PPP2R1A: variants seen among roughly 807,000 people sequenced by gnomAD.
PPP2R1A encodes serine/threonine-protein phosphatase 2A 65 kDa regulatory subunit A alpha isoform.
Under a neutral mutation model 67.1 loss-of-function variants are expected in PPP2R1A, and 15 were observed. The observed-to-expected ratio is 0.22, with a 90% CI of 0.15 to 0.34. PPP2R1A has a LOEUF of 0.34. Ranked by LOEUF, PPP2R1A falls within the 10% of genes least tolerant of loss-of-function variation. PPP2R1A has a pLI of 1.00. For synonymous variants in PPP2R1A, 337 were observed against 325.0 expected (o/e 1.04, Z -0.40); for missense variants, 369 against 775.0 (o/e 0.48, Z 6.22).
intron 11 of PPP2R1A, 117 bp downstream of exon 11, chr19:52,220,366 TGCTCGTATGGACCA>T (rs1978843138): frequency 9.1e-7 from 1 of 1,100,034 alleles, no homozygotes; most frequent in African/African-American, 1.5e-5. Flanking sequence ...CGCCGCTGGA[TGCTCGTATGGACCA>T]GCTCGCATGC....
rs2089696770 is a variant in PPP2R1A at position 52,213,481 on chromosome 19, T to G, written c.807+371T>G. ...TGTTTTTTTTTTTTTTTTTTTTTTT[T>G]TTTTTTAAGATGGAGTCTGTCGCCC... On this transcript the variant is annotated intron_variant, in intron 6 of 14. Coordinates refer to ENST00000322088, the MANE Select transcript of PPP2R1A (RefSeq NM_014225.6). This position sits in a 1 kb window ranked among gnomAD's most constrained non-coding sequence, Gnocchi z 4.2. Among the ~76,000 whole-genome samples, 1 of 99,874 alleles carries G rather than the reference T, an allele frequency of 1.0e-5. No homozygotes were observed. The highest frequency in any genetic ancestry group is 2.0e-5 in the Non-Finnish European group (1 of 50,092). The allele number at this position is 99,874 out of a possible 152,430, so 65.5% of individuals were successfully genotyped here.
chr19:52,217,051 A>G (rs567658762), intron 9 of PPP2R1A, among the ~76,000 whole-genome samples: 1 of 152,278 alleles, frequency 6.6e-6, no homozygotes, highest in South Asian at 2.1e-4. Flanking sequence ...TTAGCCAGGC[A>G]TGGTGGCGAG....
intron 3 of PPP2R1A, among the ~76,000 whole-genome samples, chr19:52,208,569 A>G (rs527650306): frequency 6.6e-6 from 1 of 150,986 alleles, no homozygotes; most frequent in African/African-American, 2.4e-5. Context: ...TTGTAATCTC[A>G]GCTCACTGCA....
chr19:52,216,790 A>G lies in PPP2R1A; in HGVS notation c.1128+127A>G. The stretch of plus-strand genomic sequence containing the variant: ...TCAACAGACATCCAGATCTTTGCTG[A>G]GTTGCATGTTTGTGGGCATAGCTGT... On this transcript the variant is annotated intron_variant, in intron 9 of 14. Coordinates refer to ENST00000322088, the MANE Select transcript of PPP2R1A (RefSeq NM_014225.6). This position sits in a 1 kb window ranked among gnomAD's most constrained non-coding sequence, Gnocchi z 4.3. 1 of 1,430,092 alleles carries G rather than the reference A, an allele frequency of 7.0e-7. No individual in the cohort carries two copies. Among genetic ancestry groups the G allele is most frequent in the Non-Finnish European group, 9.5e-7 (1 of 1,047,988 alleles). 88.6% of individuals were successfully genotyped at this position (1,430,092 alleles called of 1,614,324 possible).
At position 52,216,676 on chromosome 19, in the gene PPP2R1A, G is replaced by C; in HGVS notation, c.1128+13G>C. The C allele has an allele frequency of 6.2e-7, 1 of 1,614,134 alleles. No homozygotes were observed. Among genetic ancestry groups the C allele is most frequent in the Non-Finnish European group, 8.5e-7 (1 of 1,180,034 alleles). On this transcript the variant is annotated intron_variant, in intron 9 of 14. Transcript: ENST00000322088. The surrounding 1 kb of genome is among the most constrained non-coding windows in gnomAD (Gnocchi z 4.3). ...GCTGAAGGATGAGGTAAGGGCACCAGGATCTCAGCTCTGGGTTTGTGGAGG... is the reference window on the plus strand; with the variant it reads ...GCTGAAGGATGAGGTAAGGGCACCACGATCTCAGCTCTGGGTTTGTGGAGG...
In PPP2R1A at chr19:52,226,232, C is replaced by T. The variant is rs1265953258; in HGVS notation, c.*251C>T. ...TGGGAGGAAGGGGCTACTCCGCCCA[C>T]GTCAGGGAGAGATGTGAGCATCCCG... On this transcript the variant is annotated 3_prime_UTR_variant, in exon 15 of 15. Transcript: ENST00000322088. 25 of 569,974 alleles carry T rather than the reference C, an allele frequency of 4.4e-5. No individual in the cohort carries two copies. Among genetic ancestry groups the T allele is most frequent in the Middle Eastern group, 4.6e-4 (1 of 2,178 alleles). The allele number at this position is 569,974 out of a possible 1,614,324, so 35.3% of individuals were successfully genotyped here.
At chr19:52,220,132 C>A in intron 10 of PPP2R1A, 57 bp from the exon 11 acceptor site, 1 of 1,563,726 alleles carries the variant, frequency 6.4e-7, no homozygotes, top group Non-Finnish European at 8.8e-7. Context: ...TGGCTAGCAG[C>A]TCCCCCTGTT....
intron 9 of PPP2R1A, among the ~76,000 whole-genome samples, chr19:52,218,252 C>T (rs1978701650): frequency 1.3e-5 from 2 of 152,064 alleles, no homozygotes; most frequent in Admixed American, 6.5e-5. Flanking sequence ...TATACACAGG[C>T]GCCCACACAG....
At chr19:52,210,606 C>G (rs1231812090) in intron 3 of PPP2R1A, among the ~76,000 whole-genome samples, 2 of 151,704 alleles carry the variant, frequency 1.3e-5, no homozygotes, top group Non-Finnish European at 2.9e-5. Context: ...ATTCTTCTGC[C>G]TCAGCCTCCC....
In PPP2R1A at chr19:52,211,546, T is replaced by A; in HGVS notation, c.503+54T>A. The A allele has an allele frequency of 6.5e-7, 1 of 1,538,706 alleles. No homozygotes were observed. The highest frequency in any genetic ancestry group is 1.2e-5 in the South Asian group (1 of 81,032). On this transcript the variant is annotated intron_variant, in intron 4 of 14. Transcript: ENST00000322088. This position sits in a 1 kb window ranked among gnomAD's most constrained non-coding sequence, Gnocchi z 5.3. Reference sequence around the variant, plus strand: ...AGCTCCCATCTCAGCTCCAACCTTCTCTAAAGCCTCAGACTCCTTTTGGTC... The same window carrying A: ...AGCTCCCATCTCAGCTCCAACCTTCACTAAAGCCTCAGACTCCTTTTGGTC...
chr19:52,192,862 C>A (rs1600155741), intron 1 of PPP2R1A, among the ~76,000 whole-genome samples: 1 of 152,138 alleles, frequency 6.6e-6, no homozygotes, highest in African/African-American at 2.4e-5. Context: ...ATTCCACCCC[C>A]CAGGAACCGC....
At chr19:52,214,395 C>T (rs1978438685) in intron 6 of PPP2R1A, among the ~76,000 whole-genome samples, 1 of 152,134 alleles carries the variant, frequency 6.6e-6, no homozygotes, top group African/African-American at 2.4e-5. Flanking sequence ...ACCATCACCA[C>T]AGTTAGGGAA....
chr19:52,219,835 G>A lies in PPP2R1A; in HGVS notation c.1273G>A (p.Glu425Lys). The A allele has an allele frequency of 6.2e-7, 1 of 1,612,312 alleles. No individual in the cohort carries two copies. Among genetic ancestry groups the A allele is most frequent in the Non-Finnish European group, 8.5e-7 (1 of 1,179,908 alleles). ...GTGGCGGGTGCGGCTGGCCATCATT[G>A]AGTACATGCCCCTCCTGGCTGGACA... is the stretch of plus-strand genomic sequence containing the variant. ...AKWRVRLAII[E>K]YMPLLAGQLG... Residue 425 changes from glutamate (E) to lysine (K), a missense_variant, in exon 10 of 15, where the codon GAG becomes AAG. By Grantham distance (56) the Glu-to-Lys change is moderately conservative. This residue lies in a region of PPP2R1A where 276 missense variants were observed against 508.4 expected (regional missense o/e 0.54). Transcript: ENST00000322088. The surrounding 1 kb of genome is among the most constrained non-coding windows in gnomAD (Gnocchi z 4.0).
At position 52,228,955 on chromosome 19, in the gene PPP2R1A, C is replaced by G. The variant is rs1249184042; in HGVS notation, c.*2974C>G. ...CCTTGACTCAGGGTGCAGAATCTGC[C>G]TATGGTGCTTGAGCTGTGGTTGTCG... On this transcript the variant is annotated 3_prime_UTR_variant, in exon 15 of 15. Coordinates refer to ENST00000322088, the MANE Select transcript of PPP2R1A (RefSeq NM_014225.6). 1 of 152,214 alleles carries G rather than the reference C, an allele frequency of 6.6e-6. No homozygotes were observed. The highest frequency in any genetic ancestry group is 6.5e-5 in the Admixed American group (1 of 15,276). 9.4% of individuals were successfully genotyped at this position (152,214 alleles called of 1,614,324 possible).
At chr19:52,222,738 C>T (rs1045661983) in intron 13 of PPP2R1A, among the ~76,000 whole-genome samples, 6 of 152,170 alleles carry the variant, frequency 3.9e-5, no homozygotes, top group Admixed American at 6.5e-5. Context: ...TTAGCCGGTG[C>T]GGTAGCACTC....
At chr19:52,217,792 G>A (rs1260247602) in intron 9 of PPP2R1A, among the ~76,000 whole-genome samples, 1 of 152,122 alleles carries the variant, frequency 6.6e-6, no homozygotes, top group African/African-American at 2.4e-5. Context: ...AGTTCAGGTT[G>A]CCTGTATTAC....
intron 2 of PPP2R1A, among the ~76,000 whole-genome samples, chr19:52,202,693 C>T (rs1299171917): frequency 1.3e-5 from 2 of 152,240 alleles, no homozygotes; most frequent in African/African-American, 2.4e-5. Context: ...TGGCCTTTAA[C>T]TTGACAGCAT....
Position 52,219,627 on chromosome 19 carries a change from T to C in PPP2R1A, c.1129-64T>C, listed in dbSNP as rs544268374. 58 of 1,495,418 alleles carry C rather than the reference T, an allele frequency of 3.9e-5. No individual in the cohort carries two copies. The highest frequency in any genetic ancestry group is 1.7e-5 in the Non-Finnish European group (19 of 1,098,508). 92.6% of individuals were successfully genotyped at this position (1,495,418 alleles called of 1,614,324 possible). On this transcript the variant is annotated intron_variant, in intron 9 of 14. Transcript: ENST00000322088. The surrounding 1 kb of genome is among the most constrained non-coding windows in gnomAD (Gnocchi z 4.0). ...TAAAAGTTGATGCAGCTGAGCTCTT[T>C]CCATCCTGTCCTGGGTTGCTGTGTG... is the stretch of plus-strand genomic sequence containing the variant.
chr19:52,214,888 A>G (rs955252967), intron 6 of PPP2R1A, among the ~76,000 whole-genome samples: 2 of 151,994 alleles, frequency 1.3e-5, no homozygotes, highest in African/African-American at 4.8e-5. Flanking sequence ...CACCACACCC[A>G]GCTAATTTTG....
Sources: gnomAD v4.1 joint callset for allele counts (sites outside exome capture counted in the v4.1 genomes callset) on GRCh38, gnomAD v4.1.1 for gene constraint, gnomAD v4.1.1 regional missense constraint, Gnocchi (gnomAD v3.1) non-coding constraint, MANE v1.5 for transcripts, NCBI Gene and HGNC (gene_info 2026-07-23, HGNC 2026-07-21) for gene names.